The following NALF1 variants were observed in gnomAD, a reference collection of about 807,000 sequenced individuals.
The protein encoded by NALF1 is NALCN channel auxiliary factor 1.
A neutral mutation model predicts 48.4 loss-of-function variants in NALF1; 3 were observed. That is an observed-to-expected ratio of 0.06 (90% CI 0.03 to 0.16). NALF1 has a LOEUF of 0.16. Ranked by LOEUF, NALF1 falls within the 10% of genes least tolerant of loss-of-function variation. NALF1 has a pLI of 1.00. For missense variants in NALF1, 526 were observed against 571.5 expected, an observed-to-expected ratio of 0.92 and a Z score of 0.81; for synonymous variants, 262 against 245.7, an observed-to-expected ratio of 1.07 and a Z score of -0.62.
chr13:107,459,747 T>A (rs1468482200), intron 1 of NALF1, among the ~76,000 whole-genome samples: 1 of 152,094 alleles, frequency 6.6e-6, no homozygotes, highest in African/African-American at 2.4e-5. Context: ...ATTTTTTATT[T>A]TTTATTTTCT....
chr13:107,280,309 TTCTC>T (rs1230832951), intron 1 of NALF1, among the ~76,000 whole-genome samples: 1 of 152,208 alleles, frequency 6.6e-6, no homozygotes. Context: ...GCTTGTAGTT[TTCTC>T]TCTTTTTAAA....
At chr13:107,380,794 C>T (rs1280361953) in intron 1 of NALF1, among the ~76,000 whole-genome samples, 1 of 151,582 alleles carries the variant, frequency 6.6e-6, no homozygotes, top group East Asian at 2.0e-4. Context: ...CTGGCTAACA[C>T]GGTGAGACCC....
intron 1 of NALF1, among the ~76,000 whole-genome samples, chr13:107,483,626 G>A (rs1001082182): frequency 1.3e-5 from 2 of 152,024 alleles, no homozygotes; most frequent in Admixed American, 6.6e-5. Context: ...TTCTTAAACT[G>A]TATAATTTTG....
chr13:107,811,718 G>T (rs923260825), intron 1 of NALF1, among the ~76,000 whole-genome samples: 1 of 152,130 alleles, frequency 6.6e-6, no homozygotes, highest in African/African-American at 2.4e-5. Context: ...CTGAAAGCTG[G>T]TAAGTCCAAG....
intron 1 of NALF1, among the ~76,000 whole-genome samples, chr13:107,258,765 A>C (rs1359372): frequency 0.26 from 39,661 of 151,702 alleles, 5,730 homozygotes; most frequent in Non-Finnish European, 0.31. Flanking sequence ...AGTGGCCTAC[A>C]AAAGGAAACA....
chr13:107,710,439 A>G (rs1875534186), intron 1 of NALF1, among the ~76,000 whole-genome samples: 1 of 152,154 alleles, frequency 6.6e-6, no homozygotes, highest in African/African-American at 2.4e-5. Flanking sequence ...CACTGCTATA[A>G]AGAACTACCT....
intron 2 of NALF1, among the ~76,000 whole-genome samples, chr13:107,181,613 C>CTTTT (rs72367311): frequency 7.4e-6 from 1 of 134,760 alleles, no homozygotes; most frequent in African/African-American, 2.7e-5. Context: ...ACTATATAGA[C>CTTTT]TTTTTTTTTT....
At chr13:107,375,028 C>G (rs1883312785) in intron 1 of NALF1, among the ~76,000 whole-genome samples, 1 of 152,136 alleles carries the variant, frequency 6.6e-6, no homozygotes, top group Admixed American at 6.6e-5. Flanking sequence ...AATATAGCTT[C>G]TAACTGTATA....
chr13:107,739,072 A>C (rs1876550589), intron 1 of NALF1, among the ~76,000 whole-genome samples: 1 of 152,108 alleles, frequency 6.6e-6, no homozygotes, highest in Non-Finnish European at 1.5e-5. Flanking sequence ...AGAAAACCAA[A>C]CACCGCATGT....
At chr13:107,667,091 T>G (rs1880878660) in intron 1 of NALF1, among the ~76,000 whole-genome samples, 1 of 152,098 alleles carries the variant, frequency 6.6e-6, no homozygotes, top group Non-Finnish European at 1.5e-5. Flanking sequence ...TTTTAGATTT[T>G]TATAGTTTCA....
intron 1 of NALF1, among the ~76,000 whole-genome samples, chr13:107,739,691 G>C (rs1157338758): frequency 6.6e-6 from 1 of 152,090 alleles, no homozygotes. Context: ...CCCAACCCCA[G>C]GTCCATTAGG....
chr13:107,264,224 TTAA>T (rs201610557), intron 1 of NALF1, among the ~76,000 whole-genome samples: 1,873 of 152,346 alleles, frequency 0.012, 31 homozygotes, highest in African/African-American at 0.043. Flanking sequence ...TATTGCCAAC[TTAA>T]TAATTATCAT....
At chr13:107,748,953 G>A (rs984676046) in intron 1 of NALF1, among the ~76,000 whole-genome samples, 11 of 152,054 alleles carry the variant, frequency 7.2e-5, no homozygotes, top group African/African-American at 4.8e-5. Context: ...AATGCTGAGA[G>A]GTCCTGAGGC....
At chr13:107,259,687 T>C (rs1305893920) in intron 1 of NALF1, among the ~76,000 whole-genome samples, 7 of 152,194 alleles carry the variant, frequency 4.6e-5, no homozygotes, top group African/African-American at 7.2e-5. Flanking sequence ...TCAAATGGTT[T>C]CCAATGTTTT....
chr13:107,444,328 A>G lies in NALF1; in HGVS notation c.916-233573T>C, dbSNP rs192177684. Reference sequence around the variant, plus strand: ...GGTCTCTTCACCCTGTAGCAGACTTACATTGATTGATGGGTTTGAGCTTGT... The same window carrying G: ...GGTCTCTTCACCCTGTAGCAGACTTGCATTGATTGATGGGTTTGAGCTTGT... On this transcript the variant is annotated intron_variant, in intron 1 of 2. Coordinates refer to ENST00000375915, the MANE Select transcript of NALF1 (RefSeq NM_001080396.3). Among the ~76,000 whole-genome samples, 494 of 152,258 alleles carry G rather than the reference A, an allele frequency of 3.2e-3. 4 individuals are homozygous for G. The highest frequency in any genetic ancestry group is 1.4e-3 in the South Asian group (7 of 4,828).
intron 1 of NALF1, among the ~76,000 whole-genome samples, chr13:107,718,629 T>C (rs1458168745): frequency 2.0e-5 from 3 of 152,178 alleles, no homozygotes; most frequent in African/African-American, 7.2e-5. Context: ...AACTGGTGAA[T>C]AGCTGCCCCA....
At chr13:107,258,167 T>C (rs1460118462) in intron 1 of NALF1, among the ~76,000 whole-genome samples, 1 of 152,204 alleles carries the variant, frequency 6.6e-6, no homozygotes, top group Non-Finnish European at 1.5e-5. Context: ...TGTTCTGACC[T>C]TATTGGTCAT....
At chr13:107,360,250 T>C (rs904081180) in intron 1 of NALF1, among the ~76,000 whole-genome samples, 2 of 152,184 alleles carry the variant, frequency 1.3e-5, no homozygotes, top group African/African-American at 4.8e-5. Flanking sequence ...TCTGACTCAA[T>C]AGCAAATTAG....
intron 1 of NALF1, among the ~76,000 whole-genome samples, chr13:107,294,172 C>G (rs1881682293): frequency 6.6e-6 from 1 of 152,124 alleles, no homozygotes; most frequent in Non-Finnish European, 1.5e-5. Flanking sequence ...AGTCAAGGAA[C>G]ATAGGGAAAG....
Sources: gnomAD v4.1 joint callset for allele counts (sites outside exome capture counted in the v4.1 genomes callset) on GRCh38, gnomAD v4.1.1 for gene constraint, MANE v1.5 for transcripts, NCBI Gene and HGNC (gene_info 2026-07-23, HGNC 2026-07-21) for gene names.